Variants in KDM4D observed in about 807,000 individuals in gnomAD.
The protein encoded by KDM4D is lysine demethylase 4D.
For synonymous variants in KDM4D, 254 were observed against 249.1 expected (o/e 1.02, Z -0.19); for missense variants, 427 against 674.8 (o/e 0.63, Z 4.07).
In KDM4D at chr11:94,978,574, G is replaced by T. The variant is rs906530; in HGVS notation, c.-350+2826G>T. ...GAAATATCATTTGCTGATGGTCCAG[G>T]CTGGGTTACTGGATAATGTCATAAG... On this transcript the variant is annotated intron_variant, in intron 2 of 2. Transcript: ENST00000335080. Among the ~76,000 whole-genome samples the T allele has an allele frequency of 3.3e-5, 5 of 151,954 alleles. No individual in the cohort carries two copies. In the East Asian group the frequency reaches 7.7e-4, roughly 23 times the overall value.
intron 2 of KDM4D, 22 bp downstream of exon 2, chr11:94,975,770 G>A (rs1555096924): frequency 6.6e-6 from 1 of 152,150 alleles, no homozygotes; most frequent in African/African-American, 2.4e-5. Flanking sequence ...TTGAATGAAT[G>A]AATGAATGAA....
chr11:94,988,478 A>G (rs782794982), intron 2 of KDM4D, among the ~76,000 whole-genome samples: 11 of 152,230 alleles, frequency 7.2e-5, no homozygotes, highest in Non-Finnish European at 1.5e-4. Context: ...AGACTCTTCC[A>G]ATCAGACATT....
intron 2 of KDM4D, among the ~76,000 whole-genome samples, chr11:94,978,539 G>A (rs782811659): frequency 6.6e-6 from 1 of 152,134 alleles, no homozygotes; most frequent in Non-Finnish European, 1.5e-5. Flanking sequence ...CCTGGAGACA[G>A]CCTCCAAATG....
In KDM4D at chr11:94,998,107, G is replaced by A. The variant is rs782429808; in HGVS notation, c.735G>A (p.Lys245=). The A allele has an allele frequency of 2.5e-6, 4 of 1,614,134 alleles. No homozygotes were observed. Among genetic ancestry groups the A allele is most frequent in the Middle Eastern group, 1.7e-4 (1 of 6,006 alleles). ...GTTGTGGGGCCTTCCTGCGGCACAA[G>A]GTGGCCCTCATCTCGCCTACAGTTC... is the stretch of plus-strand genomic sequence containing the variant. The part of the protein sequence containing the change: ...SRGCGAFLRH[K]VALISPTVLK... The change falls in exon 3 of 3, where the codon AAG becomes AAA. Residue 245 remains lysine (K), a synonymous_variant. Transcript: ENST00000335080. The surrounding 1 kb of genome is among the most constrained non-coding windows in gnomAD (Gnocchi z 6.7).
chr11:94,980,935 T>G (rs1555097488), intron 2 of KDM4D, among the ~76,000 whole-genome samples: 1 of 152,140 alleles, frequency 6.6e-6, no homozygotes, highest in African/African-American at 2.4e-5. Flanking sequence ...TGGTTAGGAC[T>G]TCCAAGATAA....
chr11:94,979,145 A>G (rs1306845816), intron 2 of KDM4D, among the ~76,000 whole-genome samples: 3 of 152,210 alleles, frequency 2.0e-5, no homozygotes, highest in Non-Finnish European at 2.9e-5. Context: ...CTTTTCAATA[A>G]ACATTGAATA....
chr11:94,987,439 G>T (rs1164859570), intron 2 of KDM4D, among the ~76,000 whole-genome samples: 1 of 152,102 alleles, frequency 6.6e-6, no homozygotes, highest in Non-Finnish European at 1.5e-5. Context: ...CCACAAATTT[G>T]GGCCCCAATA....
At chr11:94,984,811 G>T (rs1345909345) in intron 2 of KDM4D, among the ~76,000 whole-genome samples, 4 of 151,754 alleles carry the variant, frequency 2.6e-5, no homozygotes, top group Non-Finnish European at 4.4e-5. Flanking sequence ...AGGTTGCAGT[G>T]ATCCGAGATC....
chr11:94,977,883 A>G (rs1365748814), intron 2 of KDM4D, among the ~76,000 whole-genome samples: 2 of 152,220 alleles, frequency 1.3e-5, no homozygotes, highest in Non-Finnish European at 2.9e-5. Context: ...TGAATAAAAG[A>G]AAGAATGAAT....
intron 2 of KDM4D, among the ~76,000 whole-genome samples, chr11:94,982,957 C>T (rs1411478575): frequency 1.3e-5 from 2 of 151,672 alleles, no homozygotes; most frequent in African/African-American, 4.8e-5. Context: ...CAATGCATTC[C>T]CAATTTAAAT....
At chr11:94,980,961 C>A (rs1857837559) in intron 2 of KDM4D, among the ~76,000 whole-genome samples, 2 of 152,050 alleles carry the variant, frequency 1.3e-5, no homozygotes, top group Non-Finnish European at 2.9e-5. Context: ...AATAAAAATG[C>A]TGATAGCAAG....
intron 2 of KDM4D, among the ~76,000 whole-genome samples, chr11:94,982,759 C>G (rs1466380762): frequency 2.6e-5 from 4 of 151,712 alleles, no homozygotes; most frequent in African/African-American, 9.7e-5. Context: ...GTACAGTACA[C>G]TCAAAAAATT....
rs1248787247 is a variant in KDM4D at position 94,984,011 on chromosome 11, A to G, written c.-350+8263A>G. On this transcript the variant is annotated intron_variant, in intron 2 of 2. Coordinates refer to ENST00000335080, the MANE Select transcript of KDM4D (RefSeq NM_018039.3). ...AGAGAACACACACAGCACTGAAAGT[A>G]ATAGGAAACACTGGAAGTAATGTAA... 3.3e-5 allele frequency among the ~76,000 whole-genome samples: 5 copies of G among 152,222 alleles called. 1 individual carries two copies. The highest frequency in any genetic ancestry group is 5.9e-5 in the Non-Finnish European group (4 of 68,038).
intron 2 of KDM4D, among the ~76,000 whole-genome samples, chr11:94,987,396 A>C (rs587730264): frequency 6.6e-6 from 1 of 152,312 alleles, no homozygotes; most frequent in East Asian, 1.9e-4. Context: ...GTTGGAATGC[A>C]GGTTTTTGTT....
chr11:94,992,562 G>A (rs1224462562), intron 2 of KDM4D, among the ~76,000 whole-genome samples: 1 of 151,996 alleles, frequency 6.6e-6, no homozygotes, highest in Non-Finnish European at 1.5e-5. Context: ...AATTTGATCA[G>A]TGTTCAGGAT....
intron 2 of KDM4D, 150 bp downstream of exon 2, chr11:94,975,898 A>C (rs1204098492): frequency 2.0e-5 from 3 of 152,200 alleles, no homozygotes; most frequent in Non-Finnish European, 4.4e-5. Flanking sequence ...GAATCACTTC[A>C]TTGATTTAAC....
At chr11:94,984,096 T>C (rs992695528) in intron 2 of KDM4D, among the ~76,000 whole-genome samples, 8 of 152,044 alleles carry the variant, frequency 5.3e-5, no homozygotes, top group African/African-American at 1.9e-4. Context: ...CCATATATAG[T>C]GTATGTATGT....
Position 94,997,577 on chromosome 11 carries a change from A to G in KDM4D, c.205A>G (p.Ile69Val). ...ARETYDNISE[I>V]LIATPLQQVA... ...AGAGACCTATGATAATATCAGTGAA[A>G]TCTTAATAGCCACTCCCCTCCAGCA... is the stretch of plus-strand genomic sequence containing the variant. The change falls in exon 3 of 3, where the codon ATC becomes GTC. Residue 69 changes from isoleucine (I) to valine (V), a missense_variant. By Grantham distance (29) the Ile-to-Val change is conservative (BLOSUM62 3). Transcript: ENST00000335080. The G allele has an allele frequency of 6.2e-7, 1 of 1,613,946 alleles. No individual in the cohort carries two copies. Among genetic ancestry groups the G allele is most frequent in the Non-Finnish European group, 8.5e-7 (1 of 1,179,980 alleles).
Position 94,998,389 on chromosome 11 carries a change from G to A in KDM4D, c.1017G>A (p.Gly339=). The A allele has an allele frequency of 6.2e-7, 1 of 1,614,092 alleles. No homozygotes were observed. The highest frequency in any genetic ancestry group is 8.5e-7 in the Non-Finnish European group (1 of 1,180,038). ...QPERYDLWKR[G]QDRAVVDHME... ...AACGCTATGACCTGTGGAAACGTGGGCAAGACCGGGCAGTTGTGGACCACA... is the reference window on the plus strand; with the variant it reads ...AACGCTATGACCTGTGGAAACGTGGACAAGACCGGGCAGTTGTGGACCACA... The change falls in exon 3 of 3, where the codon GGG becomes GGA. Residue 339 remains glycine, a synonymous_variant. Transcript: ENST00000335080. This position sits in a 1 kb window ranked among gnomAD's most constrained non-coding sequence, Gnocchi z 6.7.
Sources: allele counts gnomAD v4.1 joint callset (sites outside exome capture counted in the v4.1 genomes callset), GRCh38; gene constraint gnomAD v4.1.1; non-coding constraint Gnocchi (gnomAD v3.1); transcripts MANE v1.5; gene names NCBI Gene and HGNC (gene_info 2026-07-23, HGNC 2026-07-21).